Variants in EPB41L4A observed in about 807,000 individuals in gnomAD.
EPB41L4A encodes the protein band 4.1-like protein 4A.
In EPB41L4A, 100 loss-of-function variants were observed where a neutral mutation model predicts 108.6. That is an observed-to-expected ratio of 0.92 (90% CI 0.78 to 1.09). EPB41L4A has a LOEUF of 1.09. Ranked by LOEUF, EPB41L4A falls within the 50% of genes least tolerant of loss-of-function variation. The pLI is 0.00. For synonymous variants in EPB41L4A, 319 were observed against 289.0 expected (o/e 1.10, Z -1.05); for missense variants, 1,030 against 842.7 (o/e 1.22, Z -2.75).
chr5:112,170,218 T>A, intron 20 of EPB41L4A, 83 bp downstream of exon 20: 1 of 1,357,530 alleles, frequency 7.4e-7, no homozygotes, highest in South Asian at 1.2e-5. Context: ...TAAAGCACTG[T>A]CTGGAACACA....
chr5:112,365,384 T>C (rs1293428902), intron 1 of EPB41L4A, among the ~76,000 whole-genome samples: 1 of 152,162 alleles, frequency 6.6e-6, no homozygotes, highest in Non-Finnish European at 1.5e-5. Flanking sequence ...TTTGTATCTC[T>C]TCCTCAAATA....
intron 15 of EPB41L4A, among the ~76,000 whole-genome samples, chr5:112,197,749 A>G (rs751848243): frequency 1.3e-5 from 2 of 152,084 alleles, no homozygotes; most frequent in Non-Finnish European, 2.9e-5. Flanking sequence ...CTTTACCATG[A>G]TCCAAGGAAC....
intron 12 of EPB41L4A, among the ~76,000 whole-genome samples, chr5:112,146,265 T>C (rs1759252260): frequency 6.6e-6 from 1 of 152,240 alleles, no homozygotes. Context: ...ATTCTCAATT[T>C]CAAGTTCAGA....
intron 12 of EPB41L4A, among the ~76,000 whole-genome samples, chr5:112,212,864 ATTCTC>A (rs1206231066): frequency 6.6e-6 from 1 of 152,138 alleles, no homozygotes; most frequent in East Asian, 1.9e-4. Context: ...TCCCACCCTC[ATTCTC>A]TTTAGACTGA....
intron 6 of EPB41L4A, 196 bp downstream of exon 6, chr5:112,264,700 T>C (rs1751727507): frequency 2.2e-6 from 1 of 453,980 alleles, no homozygotes; most frequent in Non-Finnish European, 3.7e-6. Context: ...GAAATTACTT[T>C]CTCCTTTACA....
chr5:112,390,882 G>A (rs1167602966), intron 1 of EPB41L4A, among the ~76,000 whole-genome samples: 2 of 152,136 alleles, frequency 1.3e-5, no homozygotes, highest in Non-Finnish European at 2.9e-5. Flanking sequence ...TTGCTGTTCT[G>A]CAATATTTGC....
intron 3 of EPB41L4A, 47 bp from the exon 4 acceptor site, chr5:112,275,451 T>C (rs1430649949): frequency 6.7e-7 from 1 of 1,484,180 alleles, no homozygotes; most frequent in Non-Finnish European, 9.1e-7. Flanking sequence ...CATAAATTAG[T>C]CAAAGTTACA....
At chr5:112,312,579 T>A (rs1324216724) in intron 1 of EPB41L4A, among the ~76,000 whole-genome samples, 1 of 152,144 alleles carries the variant, frequency 6.6e-6, no homozygotes, top group African/African-American at 2.4e-5. Context: ...TTCAAGCAAA[T>A]ACACACATGA....
At chr5:112,233,992 C>A (rs1203810565) in intron 12 of EPB41L4A, among the ~76,000 whole-genome samples, 1 of 151,558 alleles carries the variant, frequency 6.6e-6, no homozygotes, top group Non-Finnish European at 1.5e-5. Context: ...TTGTGCCCAG[C>A]CAAGATTTTA....
At chr5:112,162,358 A>G (rs1016188216), downstream of EPB41L4A, 1 of 152,250 alleles carries the variant, frequency 6.6e-6, no homozygotes, top group African/African-American at 2.4e-5. Flanking sequence ...GCTATTTCTA[A>G]AAAGTTATAA....
Position 112,165,114 on chromosome 5 carries a change from C to G in EPB41L4A, c.1937G>C (p.Arg646Thr), listed in dbSNP as rs1335695631. The change falls in exon 23 of 23, where the codon AGA (arginine) becomes ACA (threonine). Residue 646 changes from arginine (R) to threonine (T), a missense_variant. Physicochemically the swap from Arg to Thr is moderately conservative, Grantham distance 71 (BLOSUM62 -1). Transcript: ENST00000261486. ...GSGDATVHQR[R>T]NGSKDSLMEE... ...CATCAGGCTATCTTTAGACCCATTT[C>G]TTCTCTAAAATATATTTGAAAAATG... 1 of 1,469,178 alleles carries G rather than the reference C, an allele frequency of 6.8e-7. No homozygotes were observed. Among genetic ancestry groups the G allele is most frequent in the East Asian group, 2.5e-5 (1 of 40,162 alleles). The allele number at this position is 1,469,178 out of a possible 1,614,324, so 91.0% of individuals were successfully genotyped here. A position where few individuals can be genotyped will look rare whatever the true frequency, so the allele number is the denominator to read the frequency against.
At chr5:112,264,791 T>C in intron 6 of EPB41L4A, 105 bp downstream of exon 6, 2 of 1,146,740 alleles carry the variant, frequency 1.7e-6, no homozygotes, top group East Asian at 5.1e-5. Context: ...ATTAGAATAT[T>C]AAATGCACAG....
At chr5:112,292,800 T>TA (rs1753735799) in intron 2 of EPB41L4A, among the ~76,000 whole-genome samples, 1 of 151,820 alleles carries the variant, frequency 6.6e-6, no homozygotes, top group African/African-American at 2.4e-5. Flanking sequence ...AACCCTAAAT[T>TA]TAAAAAAAAA....
At chr5:112,178,092 C>G (rs574879998) in intron 18 of EPB41L4A, among the ~76,000 whole-genome samples, 4 of 149,264 alleles carry the variant, frequency 2.7e-5, no homozygotes, top group African/African-American at 9.8e-5. Flanking sequence ...AAGAGGTGGA[C>G]TTTAAATATA....
At chr5:112,202,204 A>T (rs1281206202) in intron 15 of EPB41L4A, among the ~76,000 whole-genome samples, 2 of 152,162 alleles carry the variant, frequency 1.3e-5, no homozygotes, top group East Asian at 3.9e-4. Flanking sequence ...TATCTCCAGC[A>T]GTGTCAGCAA....
At chr5:112,368,964 C>G (rs74422682) in intron 1 of EPB41L4A, among the ~76,000 whole-genome samples, 2,608 of 152,302 alleles carry the variant, frequency 0.017, 62 homozygotes, top group African/African-American at 0.059. Flanking sequence ...TCTCCATGCT[C>G]TCCTTGGAGC....
intron 2 of EPB41L4A, among the ~76,000 whole-genome samples, chr5:112,294,874 G>C (rs1005280846): frequency 6.6e-6 from 1 of 152,198 alleles, no homozygotes; most frequent in African/African-American, 2.4e-5. Flanking sequence ...TTTTCCCTTA[G>C]GGAGCCATTA....
At chr5:112,239,800 C>G in intron 10 of EPB41L4A, 63 bp from the exon 11 acceptor site, 1 of 1,091,950 alleles carries the variant, frequency 9.2e-7, no homozygotes, top group Non-Finnish European at 1.4e-6. Flanking sequence ...TGGGCCACCC[C>G]CTTCTCCTAA....
intron 1 of EPB41L4A, among the ~76,000 whole-genome samples, chr5:112,389,661 T>A (rs528155161): frequency 1.2e-3 from 183 of 152,388 alleles, no homozygotes; most frequent in African/African-American, 4.2e-3. Context: ...TTAGCTTTTT[T>A]TCCCGTCTAT....
Sources: gnomAD v4.1 joint callset for allele counts (sites outside exome capture counted in the v4.1 genomes callset) on GRCh38, gnomAD v4.1.1 for gene constraint, MANE v1.5 for transcripts, NCBI Gene and HGNC (gene_info 2026-07-23, HGNC 2026-07-21) for gene names.